The following DOCK1 variants were observed in gnomAD, a reference collection of about 807,000 sequenced individuals.
DOCK1 encodes the protein dedicator of cytokinesis 1, also known as dedicator of cytokinesis protein 1.
In DOCK1, 138 loss-of-function variants were observed where a neutral mutation model predicts 262.7. The ratio of observed to expected loss-of-function variants is 0.53; its 90% confidence interval spans 0.46 to 0.61. DOCK1 has a LOEUF of 0.61. DOCK1 is among the 20% of genes least tolerant of loss of function. DOCK1 has a pLI of 0.00. For missense variants in DOCK1, 1,908 were observed against 2,370.7 expected, an observed-to-expected ratio of 0.80 and a Z score of 4.05; for synonymous variants, 866 against 867.4, an observed-to-expected ratio of 1.00 and a Z score of 0.03.
At position 127,026,440 on chromosome 10, in the gene DOCK1, CT is replaced by C. The variant is rs750426914; in HGVS notation, c.1624+19del. 1.3e-6 allele frequency: 2 copies of C among 1,567,102 alleles called. No individual in the cohort carries two copies. The highest frequency in any genetic ancestry group is 1.7e-6 in the Non-Finnish European group (2 of 1,154,546). On this transcript the variant is annotated intron_variant, in intron 16 of 51. Coordinates refer to ENST00000623213, the MANE Select transcript of DOCK1 (RefSeq NM_001290223.2). ...TCACAGGACTGTGAGTAGTCAAGCA[CT>C]TTCTTCCCCCAAGTATTTTTAAGGG...
At position 127,040,241 on chromosome 10, in the gene DOCK1, G is replaced by A. The variant is rs537656890; in HGVS notation, c.2011-2384G>A. Among the ~76,000 whole-genome samples the A allele has an allele frequency of 3.9e-5, 6 of 152,336 alleles. No homozygotes were observed. In the South Asian group the frequency reaches 1.2e-3, roughly 32 times the overall value. On this transcript the variant is annotated intron_variant, in intron 19 of 51. Transcript: ENST00000623213. ...GAAAATGATGGGAAATGGTGCAAAA[G>A]TAACAAAGTGGTACAGATCCACATA... is the stretch of plus-strand genomic sequence containing the variant.
intron 6 of DOCK1, among the ~76,000 whole-genome samples, chr10:126,994,574 C>T (rs1029408233): frequency 5.3e-5 from 8 of 152,190 alleles, no homozygotes; most frequent in Admixed American, 2.0e-4. Flanking sequence ...CATCTTGCAC[C>T]GCCCTTAATC....
Position 126,996,913 on chromosome 10 carries a change from C to T in DOCK1, c.609+30C>T, listed in dbSNP as rs372867681. 179 of 1,541,198 alleles carry T rather than the reference C, an allele frequency of 1.2e-4. No individual in the cohort carries two copies. The South Asian group carries it at 1.2e-3, about 10-fold the overall frequency. On this transcript the variant is annotated intron_variant, in intron 7 of 51. Transcript: ENST00000623213. ...GTTTGACTCTGTCATATGCCATTCA[C>T]GTTTTCTCAGTAATAAGTTTTCAAC... is the stretch of plus-strand genomic sequence containing the variant.
intron 23 of DOCK1, among the ~76,000 whole-genome samples, chr10:127,078,029 G>A (rs1054434974): frequency 4.6e-5 from 7 of 152,140 alleles, no homozygotes; most frequent in East Asian, 1.9e-4. Context: ...ATTCAGAGCC[G>A]AGAAAAGGAA....
intron 1 of DOCK1, among the ~76,000 whole-genome samples, chr10:126,939,666 T>C (rs1262214660): frequency 6.6e-6 from 1 of 152,172 alleles, no homozygotes; most frequent in Non-Finnish European, 1.5e-5. Flanking sequence ...TGACCCAAAA[T>C]ACCTATTTTA....
intron 29 of DOCK1, among the ~76,000 whole-genome samples, chr10:127,325,971 C>G (rs2062731892): frequency 6.6e-6 from 1 of 152,104 alleles, no homozygotes; most frequent in Non-Finnish European, 1.5e-5. Context: ...TATGTTTACA[C>G]TATAAAGTAT....
chr10:127,282,462 G>A (rs1352064752), intron 29 of DOCK1, among the ~76,000 whole-genome samples: 5 of 152,188 alleles, frequency 3.3e-5, no homozygotes, highest in Non-Finnish European at 4.4e-5. Context: ...ATTTCCTCTC[G>A]CTTTAGAAAT....
intron 8 of DOCK1, among the ~76,000 whole-genome samples, 200 bp from the exon 9 acceptor site, chr10:126,999,154 T>C (rs1282562387): frequency 6.6e-6 from 1 of 152,212 alleles, no homozygotes; most frequent in Non-Finnish European, 1.5e-5. Context: ...CCCAAGACAT[T>C]GCACATTAAA....
intron 29 of DOCK1, among the ~76,000 whole-genome samples, chr10:127,267,194 A>G (rs1396302682): frequency 1.3e-5 from 2 of 152,174 alleles, no homozygotes; most frequent in Non-Finnish European, 2.9e-5. Context: ...TTGGGCCTAG[A>G]TATGGTTGCA....
At chr10:127,444,380 C>G in intron 50 of DOCK1, 101 bp downstream of exon 50, 1 of 1,383,296 alleles carries the variant, frequency 7.2e-7, no homozygotes, top group Non-Finnish European at 9.6e-7. Context: ...CCCCTTGCAG[C>G]AGAGGGTGGG....
At chr10:127,320,240 T>TA (rs201228026) in intron 29 of DOCK1, among the ~76,000 whole-genome samples, 5 of 150,148 alleles carry the variant, frequency 3.3e-5, no homozygotes, top group Non-Finnish European at 7.4e-5. Flanking sequence ...AAGGGGTCAT[T>TA]AAAAAAAAAG....
chr10:126,963,620 CTTCCCTTCCCTTCCCTTCCCTCCT>C (rs1292799411), intron 1 of DOCK1, among the ~76,000 whole-genome samples: 18 of 72,718 alleles, frequency 2.5e-4, no homozygotes, highest in Admixed American at 1.6e-3. Flanking sequence ...CTTCCCTTCC[CTTCCCTTCCCTTCCCTTCCCTCCT>C]TCCTTCCTTC....
At chr10:127,283,772 T>C (rs2489404) in intron 29 of DOCK1, among the ~76,000 whole-genome samples, 105,837 of 152,110 alleles carry the variant, frequency 0.7, 38,014 homozygotes, top group African/African-American at 0.88. Context: ...AACTTGTCAG[T>C]ACATTGTATC....
intron 32 of DOCK1, among the ~76,000 whole-genome samples, chr10:127,355,493 G>A (rs2064102391): frequency 6.6e-6 from 1 of 152,120 alleles, no homozygotes; most frequent in South Asian, 2.1e-4. Flanking sequence ...TAGGCCATGG[G>A]GTGCTGGTGG....
intron 29 of DOCK1, among the ~76,000 whole-genome samples, chr10:127,325,995 A>G (rs1027847772): frequency 6.6e-6 from 1 of 152,228 alleles, no homozygotes; most frequent in African/African-American, 2.4e-5. Context: ...ATTAAGTGTG[A>G]AAAGTATGTC....
chr10:127,385,585 A>T (rs1002412491), intron 38 of DOCK1, among the ~76,000 whole-genome samples: 2 of 152,150 alleles, frequency 1.3e-5, no homozygotes, highest in African/African-American at 4.8e-5. Context: ...AGCACACTTT[A>T]TGAAGGTACC....
chr10:127,364,617 G>A (rs775193063), intron 33 of DOCK1, among the ~76,000 whole-genome samples: 3 of 152,164 alleles, frequency 2.0e-5, no homozygotes, highest in Non-Finnish European at 4.4e-5. Context: ...ACTCGCCTCA[G>A]CCTCCCAAAG....
At chr10:127,037,999 C>T (rs9418807) in intron 19 of DOCK1, among the ~76,000 whole-genome samples, 183 bp downstream of exon 19, 32,731 of 151,628 alleles carry the variant, frequency 0.22, 3,478 homozygotes, top group Middle Eastern at 0.28. Flanking sequence ...TTTGGGAGGC[C>T]GAGGTGGGTG....
At chr10:127,300,904 C>T (rs1271719962) in intron 29 of DOCK1, among the ~76,000 whole-genome samples, 1 of 152,212 alleles carries the variant, frequency 6.6e-6, no homozygotes, top group Admixed American at 6.5e-5. Flanking sequence ...GTGCTTGCAA[C>T]CCCACCACGA....
Sources: gnomAD v4.1 joint callset for allele counts (sites outside exome capture counted in the v4.1 genomes callset) on GRCh38, gnomAD v4.1.1 for gene constraint, MANE v1.5 for transcripts, NCBI Gene and HGNC (gene_info 2026-07-23, HGNC 2026-07-21) for gene names.